The following FAT3 variants were observed in gnomAD, a reference collection of about 807,000 sequenced individuals.
FAT3 encodes protocadherin Fat 3.
A neutral mutation model predicts 310.2 loss-of-function variants in FAT3; 95 were observed. The ratio of observed to expected loss-of-function variants is 0.31; its 90% confidence interval spans 0.26 to 0.36. The LOEUF (loss-of-function observed/expected upper bound fraction) is 0.36. Among genes scored for constraint, FAT3 ranks in the 10% least tolerant of loss-of-function variants. FAT3 has a pLI of 1.00. For missense variants in FAT3, 5,408 were observed against 5,715.6 expected (o/e 0.95, Z 1.74); for synonymous variants, 2,314 against 2,192.9 (o/e 1.06, Z -1.54).
intron 23 of FAT3, among the ~76,000 whole-genome samples, chr11:92,881,615 C>T (rs1949672535): frequency 6.6e-6 from 1 of 152,150 alleles, no homozygotes; most frequent in Non-Finnish European, 1.5e-5. Flanking sequence ...TCACCTCTAT[C>T]TGTTCAAATT....
At chr11:92,500,811 T>C (rs1450449151) in intron 2 of FAT3, among the ~76,000 whole-genome samples, 2 of 152,078 alleles carry the variant, frequency 1.3e-5, no homozygotes, top group African/African-American at 4.8e-5. Context: ...AGGGCTGCTG[T>C]GTAAAGATAC....
intron 2 of FAT3, among the ~76,000 whole-genome samples, chr11:92,463,574 T>G (rs933562612): frequency 6.6e-6 from 1 of 152,152 alleles, no homozygotes; most frequent in African/African-American, 2.4e-5. Context: ...CTAACAAACA[T>G]CCAATCAATG....
chr11:92,354,694 G>A lies in FAT3; in HGVS notation c.2582G>A (p.Gly861Asp), dbSNP rs1948680840. 2 of 1,613,858 alleles carry A rather than the reference G, an allele frequency of 1.2e-6. No individual in the cohort carries two copies. Among genetic ancestry groups the A allele is most frequent in the African/African-American group, 1.3e-5 (1 of 75,026 alleles). The change falls in exon 2 of 28, where the codon GGT becomes GAT. Residue 861 changes from glycine (G) to aspartate (D), a missense_variant. Transcript: ENST00000525166. ...GTGGAAGCCAGAGACAAAGACTTAGGTTCTAATGGTGAAGTGACTTACTCA... is the reference window on the plus strand; with the variant it reads ...GTGGAAGCCAGAGACAAAGACTTAGATTCTAATGGTGAAGTGACTTACTCA... Reference protein sequence around the residue: ...IQVEARDKDLGSNGEVTYSVL... With the variant: ...IQVEARDKDLDSNGEVTYSVL...
At chr11:92,589,081 C>T (rs1285211682) in intron 3 of FAT3, among the ~76,000 whole-genome samples, 1 of 151,994 alleles carries the variant, frequency 6.6e-6, no homozygotes, top group Non-Finnish European at 1.5e-5. Flanking sequence ...GCCCCACTAT[C>T]TCACTGGGTA....
chr11:92,559,873 G>A (rs138569711), intron 3 of FAT3, among the ~76,000 whole-genome samples: 290 of 152,192 alleles, frequency 1.9e-3, no homozygotes, highest in African/African-American at 6.5e-3. Flanking sequence ...GCTGATGGAC[G>A]TTTGGATTGT....
chr11:92,561,771 G>A (rs533784528), intron 3 of FAT3, among the ~76,000 whole-genome samples: 21 of 152,032 alleles, frequency 1.4e-4, no homozygotes, highest in Non-Finnish European at 2.6e-4. Flanking sequence ...GATTGCAGGC[G>A]TGCACCACCA....
At position 92,799,723 on chromosome 11, in the gene FAT3, C is replaced by G; in HGVS notation, c.6710C>G (p.Thr2237Ser). 1 of 1,612,922 alleles carries G rather than the reference C, an allele frequency of 6.2e-7. No individual in the cohort carries two copies. Residue 2237 changes from threonine to serine, a missense_variant, in exon 10 of 28, where the codon ACT becomes AGT. Thr to Ser is a moderately conservative substitution (Grantham distance 58, BLOSUM62 1). Coordinates refer to ENST00000525166, the MANE Select transcript of FAT3 (RefSeq NM_001367949.2). The stretch of plus-strand genomic sequence containing the variant: ...AAACAGTTTAACATTGACTTTGACA[C>G]TGGGGTCCTGAAAGTTGTTAGCCCT... ...PFKQFNIDFD[T>S]GVLKVVSPLD...
intron 2 of FAT3, among the ~76,000 whole-genome samples, chr11:92,485,381 A>C (rs777714139): frequency 6.6e-6 from 1 of 152,198 alleles, no homozygotes. Context: ...AAGTGCCCCA[A>C]GCGCCCTGAA....
chr11:92,673,336 A>G (rs970617617), intron 3 of FAT3, among the ~76,000 whole-genome samples: 1 of 152,222 alleles, frequency 6.6e-6, no homozygotes, highest in African/African-American at 2.4e-5. Context: ...AACACTAGTG[A>G]ACATCCACTA....
chr11:92,243,600 C>A (rs1021786799), intron 1 of FAT3, among the ~76,000 whole-genome samples: 2 of 151,988 alleles, frequency 1.3e-5, no homozygotes, highest in Non-Finnish European at 2.9e-5. Flanking sequence ...AATCTGCTTT[C>A]TTGTTACAAA....
intron 2 of FAT3, among the ~76,000 whole-genome samples, chr11:92,377,927 C>T (rs12279770): frequency 0.077 from 11,746 of 152,174 alleles, 655 homozygotes; most frequent in African/African-American, 0.15. Flanking sequence ...GGATCTGTTC[C>T]AGTATCTTTG....
At chr11:92,585,919 C>G (rs1939124630) in intron 3 of FAT3, among the ~76,000 whole-genome samples, 2 of 151,872 alleles carry the variant, frequency 1.3e-5, no homozygotes, top group South Asian at 4.1e-4. Context: ...CCTTCCCTCC[C>G]TTCCTTCCTT....
intron 1 of FAT3, among the ~76,000 whole-genome samples, chr11:92,271,354 T>C (rs1025394280): frequency 1.3e-5 from 2 of 152,146 alleles, no homozygotes; most frequent in African/African-American, 4.8e-5. Context: ...GTCCTTCATG[T>C]CTTCCCTCTG....
chr11:92,302,734 C>T (rs1355087468), intron 1 of FAT3, among the ~76,000 whole-genome samples: 1 of 151,974 alleles, frequency 6.6e-6, no homozygotes, highest in Non-Finnish European at 1.5e-5. Context: ...ATTATAATCA[C>T]TGTTTTTATT....
In FAT3 at chr11:92,894,716, GCCTGCC is replaced by G. The variant is rs1949989303; in HGVS notation, c.*3604_*3609del. 1 of 152,124 alleles carries G rather than the reference GCCTGCC, an allele frequency of 6.6e-6. No individual in the cohort carries two copies. The highest frequency in any genetic ancestry group is 2.1e-4 in the South Asian group (1 of 4,816). 9.4% of individuals were successfully genotyped at this position (152,124 alleles called of 1,614,324 possible). A position where few individuals can be genotyped will look rare whatever the true frequency, so the allele number is the denominator to read the frequency against. On this transcript the variant is annotated 3_prime_UTR_variant, in exon 28 of 28. Transcript: ENST00000525166. ...TATGCCAGCTTTCCATGTACCCTTG[GCCTGCC>G]TATTCATGAAATGCCATATAAAAGA...
At chr11:92,585,610 C>T (rs1252508858) in intron 3 of FAT3, among the ~76,000 whole-genome samples, 2 of 151,980 alleles carry the variant, frequency 1.3e-5, no homozygotes, top group African/African-American at 4.8e-5. Flanking sequence ...TAGCAGTCTC[C>T]TAAGATGGAT....
intron 21 of FAT3, among the ~76,000 whole-genome samples, chr11:92,864,322 G>T (rs535032961): frequency 6.6e-6 from 1 of 152,250 alleles, no homozygotes; most frequent in Admixed American, 6.5e-5. Context: ...CCAGTTTGTA[G>T]CCACAGAGTT....
At chr11:92,553,739 C>G (rs561069916) in intron 3 of FAT3, among the ~76,000 whole-genome samples, 44 of 98,754 alleles carry the variant, frequency 4.5e-4, no homozygotes, top group African/African-American at 1.4e-3. Context: ...TTGTTTCTTT[C>G]TTTCTCCCTT....
intron 3 of FAT3, among the ~76,000 whole-genome samples, chr11:92,600,419 G>C (rs1939959387): frequency 6.6e-6 from 1 of 152,162 alleles, no homozygotes; most frequent in Admixed American, 6.5e-5. Context: ...AATGAAAAAG[G>C]ACAAGTATGT....
Sources: gnomAD v4.1 joint callset for allele counts (sites outside exome capture counted in the v4.1 genomes callset) on GRCh38, gnomAD v4.1.1 for gene constraint, MANE v1.5 for transcripts, NCBI Gene and HGNC (gene_info 2026-07-23, HGNC 2026-07-21) for gene names.